The following CKLF variants were observed in gnomAD, a reference collection of about 807,000 sequenced individuals.
CKLF encodes chemokine-like factor.
Under a neutral mutation model 12.9 loss-of-function variants are expected in CKLF, and 16 were observed. The observed-to-expected ratio is 1.24, with a 90% CI of 0.84 to 1.88. The LOEUF is 1.88. Among genes scored for constraint, CKLF ranks in the 40% most tolerant of loss-of-function variants. The probability of loss-of-function intolerance (pLI) is 0.00; values close to 1 mark genes in which losing one functional copy is unlikely to be tolerated. For missense variants in CKLF, 172 were observed against 188.5 expected (o/e 0.91, Z 0.51); for synonymous variants, 61 against 69.0 (o/e 0.88, Z 0.57).
chr16:66,562,867 T>G (rs1371366027), intron 2 of CKLF, among the ~76,000 whole-genome samples: 1 of 151,980 alleles, frequency 6.6e-6, no homozygotes. Flanking sequence ...ATTACAGGCA[T>G]GCACCACCAT....
intron 3 of CKLF, among the ~76,000 whole-genome samples, chr16:66,564,469 C>CT (rs552824877): frequency 1.9e-3 from 265 of 142,612 alleles, no homozygotes; most frequent in East Asian, 6.3e-3. Flanking sequence ...TTATTTTTTT[C>CT]TTTTTTTTTT....
chr16:66,558,480 C>T, intron 2 of CKLF, 132 bp downstream of exon 2: 1 of 1,300,062 alleles, frequency 7.7e-7, no homozygotes, highest in Non-Finnish European at 1.0e-6. Flanking sequence ...GAGCTCTACC[C>T]ATTGCTAATG....
rs1487057624 is a variant in CKLF at position 66,558,207 on chromosome 16, T to A, written c.96T>A (p.Ser32=). 6.2e-7 allele frequency: 1 copy of A among 1,612,480 alleles called. No individual in the cohort carries two copies. Among genetic ancestry groups the A allele is most frequent in the Admixed American group, 1.7e-5 (1 of 59,614 alleles). The change falls in exon 2 of 4, where the codon TCT becomes TCA. Residue 32 remains serine, a synonymous_variant. Transcript: ENST00000264001. The part of the protein sequence containing the change: ...KMLRLALTVT[S]MTFFIIAQAP... ...TCTTCTAGGCACTAACTGTGACATC[T>A]ATGACCTTTTTTATCATCGCACAAG... is the stretch of plus-strand genomic sequence containing the variant.
At chr16:66,562,661 C>T (rs1272707842) in intron 2 of CKLF, among the ~76,000 whole-genome samples, 1 of 152,126 alleles carries the variant, frequency 6.6e-6, no homozygotes, top group South Asian at 2.1e-4. Context: ...ATTTTGGTTT[C>T]CTGAAAGATA....
At chr16:66,562,277 A>C (rs1481973727) in intron 2 of CKLF, among the ~76,000 whole-genome samples, 2 of 152,046 alleles carry the variant, frequency 1.3e-5, no homozygotes, top group African/African-American at 4.8e-5. Context: ...ATAAAGACAG[A>C]GTTTCACCAT....
Position 66,563,166 on chromosome 16 carries a change from A to G in CKLF, c.282A>G (p.Val94=), listed in dbSNP as rs2011868185. ...TAACAACAGTATTCATGCTCATCGT[A>G]TCTGTGTTGGCACTGATACCAGAAA... ...SLVTTVFMLI[V]SVLALIPETT... The change falls in exon 3 of 4, where the codon GTA becomes GTG. Residue 94 remains valine, a synonymous_variant. Coordinates refer to ENST00000264001, the MANE Select transcript of CKLF (RefSeq NM_016951.4). The G allele has an allele frequency of 1.2e-6, 2 of 1,614,086 alleles. No individual in the cohort carries two copies. Among genetic ancestry groups the G allele is most frequent in the Non-Finnish European group, 8.5e-7 (1 of 1,180,032 alleles).
Position 66,565,873 on chromosome 16 carries a change from T to C in CKLF, c.334-13T>C, listed in dbSNP as rs1313910353. The C allele has an allele frequency of 1.2e-6, 2 of 1,613,292 alleles. No homozygotes were observed. The highest frequency in any genetic ancestry group is 1.7e-6 in the Non-Finnish European group (2 of 1,179,540). ...ACCATGGTTAGGGCAGTGACACTTG[T>C]CTTTCTTTCCAGGTGTTTGCACTTG... On this transcript the variant is annotated splice_polypyrimidine_tract_variant and intron_variant, in intron 3 of 3. Transcript: ENST00000264001.
chr16:66,565,920 C>T lies in CKLF; in HGVS notation c.368C>T (p.Ala123Val), dbSNP rs761600894. 2.5e-6 allele frequency: 4 copies of T among 1,614,050 alleles called. No homozygotes were observed. The highest frequency in any genetic ancestry group is 1.1e-5 in the South Asian group (1 of 91,080). Residue 123 changes from alanine (A) to valine (V), a missense_variant, in exon 4 of 4, where the codon GCC becomes GTC. Ala to Val is a moderately conservative substitution (Grantham distance 64, BLOSUM62 0). Transcript: ENST00000264001. Reference sequence around the variant, plus strand: ...CTTGTGACAGCAGTATGCTGTCTTGCCGACGGGGCCCTTATTTACCGGAAG... The same window carrying T: ...CTTGTGACAGCAGTATGCTGTCTTGTCGACGGGGCCCTTATTTACCGGAAG... ...FALVTAVCCL[A>V]DGALIYRKLL...
Position 66,558,342 on chromosome 16 carries a change from TTTGC to T in CKLF, c.235_237+1del, listed in dbSNP as rs1447324655. On this transcript the variant is annotated frameshift_variant and splice_region_variant, in exon 2 of 4. Coordinates refer to ENST00000264001, the MANE Select transcript of CKLF (RefSeq NM_016951.4). LOFTEE classifies it high-confidence loss of function. ...GATTAATGAAGTGGTTATTTTGGCCTTTGCTTGTAAGTGTTCAGTTTCATCCTTA... is the reference window on the plus strand; with the variant it reads ...GATTAATGAAGTGGTTATTTTGGCCTTTGTAAGTGTTCAGTTTCATCCTTA... 1 of 1,604,286 alleles carries T rather than the reference TTTGC, an allele frequency of 6.2e-7. No homozygotes were observed. The highest frequency in any genetic ancestry group is 8.5e-7 in the Non-Finnish European group (1 of 1,177,838).
intron 1 of CKLF, among the ~76,000 whole-genome samples, chr16:66,554,657 G>C (rs1257450152): frequency 1.3e-5 from 2 of 152,252 alleles, no homozygotes; most frequent in Non-Finnish European, 2.9e-5. Flanking sequence ...AGGTAAGGGA[G>C]TGTAAGGCGG....
At chr16:66,566,182 G>A, downstream of CKLF, 1 of 1,542,522 alleles carries the variant, frequency 6.5e-7, no homozygotes, top group Non-Finnish European at 8.7e-7. The surrounding 1 kb of genome is among the most constrained non-coding windows in gnomAD (Gnocchi z 4.9). Context: ...GGGAGCAGCG[G>A]GATCGGGTTT....
chr16:66,559,698 CAG>C (rs755743988), intron 2 of CKLF, among the ~76,000 whole-genome samples: 1 of 152,042 alleles, frequency 6.6e-6, no homozygotes, highest in African/African-American at 2.4e-5. Flanking sequence ...AGGAGTGTAA[CAG>C]AATACACTGA....
intron 3 of CKLF, chr16:66,565,572 T>C: frequency 3.1e-6 from 1 of 322,436 alleles, no homozygotes; most frequent in Non-Finnish European, 5.8e-6. Context: ...CAGTAGGGCT[T>C]AAAAGAATAC....
At chr16:66,554,039 G>GA (rs1457620973) in intron 1 of CKLF, among the ~76,000 whole-genome samples, 12 of 152,214 alleles carry the variant, frequency 7.9e-5, no homozygotes, top group Non-Finnish European at 1.3e-4. Context: ...CTTGAACACT[G>GA]AAAAAGGAAA....
In CKLF at chr16:66,566,037, C is replaced by T. The variant is rs1221099356; in HGVS notation, c.*26C>T. On this transcript the variant is annotated 3_prime_UTR_variant, in exon 4 of 4. Coordinates refer to ENST00000264001, the MANE Select transcript of CKLF (RefSeq NM_016951.4). The surrounding 1 kb of genome is among the most constrained non-coding windows in gnomAD (Gnocchi z 4.9). ...TTTTATATTACTTTTTAGTTTGATA[C>T]TAAGTATTAAACATATTTCTGTATT... The T allele has an allele frequency of 6.2e-7, 1 of 1,608,038 alleles. No homozygotes were observed.
chr16:66,562,550 T>G (rs1385125259), intron 2 of CKLF, among the ~76,000 whole-genome samples: 4 of 152,132 alleles, frequency 2.6e-5, no homozygotes, highest in Admixed American at 1.3e-4. Context: ...AAAAAAGAAA[T>G]AAAAAGCTTT....
chr16:66,564,149 C>T (rs1332606741), intron 3 of CKLF, among the ~76,000 whole-genome samples: 1 of 152,214 alleles, frequency 6.6e-6, no homozygotes, highest in Non-Finnish European at 1.5e-5. Context: ...ATAGGATTTA[C>T]TTTCATTCAC....
intron 1 of CKLF, among the ~76,000 whole-genome samples, chr16:66,553,667 T>C (rs1460862724): frequency 6.6e-6 from 1 of 152,184 alleles, no homozygotes; most frequent in East Asian, 1.9e-4. Flanking sequence ...AAAATGGAGA[T>C]AGTTCAAAGT....
At chr16:66,563,376 C>A (rs918547684) in intron 3 of CKLF, among the ~76,000 whole-genome samples, 159 bp downstream of exon 3, 4 of 152,168 alleles carry the variant, frequency 2.6e-5, no homozygotes, top group Non-Finnish European at 5.9e-5. Context: ...TCTGTGAATG[C>A]TTGCCCTGAT....
Sources: allele counts gnomAD v4.1 joint callset (sites outside exome capture counted in the v4.1 genomes callset), GRCh38; gene constraint gnomAD v4.1.1; non-coding constraint Gnocchi (gnomAD v3.1); transcripts MANE v1.5; gene names NCBI Gene and HGNC (gene_info 2026-07-23, HGNC 2026-07-21).